DNAAF9: variants seen among roughly 807,000 people sequenced by gnomAD.
The protein encoded by DNAAF9 is shulin.
A neutral mutation model predicts 167.0 loss-of-function variants in DNAAF9; 90 were observed. The observed-to-expected ratio is 0.54, with a 90% CI of 0.45 to 0.64. DNAAF9 has a LOEUF of 0.64. Among genes scored for constraint, DNAAF9 ranks in the 30% least tolerant of loss-of-function variants. The pLI is 0.00. For missense variants in DNAAF9, 1,315 were observed against 1,442.2 expected, an observed-to-expected ratio of 0.91 and a Z score of 1.43; for synonymous variants, 491 against 508.8, an observed-to-expected ratio of 0.96 and a Z score of 0.47.
intron 12 of DNAAF9, 147 bp downstream of exon 12, chr20:3,330,499 C>T (rs1347940249): frequency 1.6e-6 from 1 of 609,400 alleles, no homozygotes; most frequent in African/African-American, 2.0e-5. Context: ...ACCTCAGCTT[C>T]CGAAAATGTT....
chr20:3,370,139 C>G (rs2083488714), intron 6 of DNAAF9, among the ~76,000 whole-genome samples: 1 of 152,176 alleles, frequency 6.6e-6, no homozygotes, highest in Non-Finnish European at 1.5e-5. Flanking sequence ...GGGTCTCCAT[C>G]CCCTTATATT....
At chr20:3,370,719 A>AT (rs1430465699) in intron 6 of DNAAF9, among the ~76,000 whole-genome samples, 4 of 151,938 alleles carry the variant, frequency 2.6e-5, no homozygotes, top group Non-Finnish European at 4.4e-5. Context: ...TGCCCGACTA[A>AT]TTTTTTTAAA....
chr20:3,349,911 C>A (rs2070281050), intron 7 of DNAAF9, among the ~76,000 whole-genome samples: 1 of 152,062 alleles, frequency 6.6e-6, no homozygotes, highest in African/African-American at 2.4e-5. Flanking sequence ...ATGTTAGTCG[C>A]CCAGTCTAGT....
At chr20:3,269,097 C>A (rs541721452) in intron 30 of DNAAF9, among the ~76,000 whole-genome samples, 1 of 151,100 alleles carries the variant, frequency 6.6e-6, no homozygotes, top group Non-Finnish European at 1.5e-5. Flanking sequence ...AATATAGAGG[C>A]GGGGTTCCAC....
intron 31 of DNAAF9, among the ~76,000 whole-genome samples, chr20:3,261,502 G>A (rs531271214): frequency 6.6e-6 from 1 of 151,242 alleles, no homozygotes; most frequent in African/African-American, 2.4e-5. Flanking sequence ...CGAGTAGCTG[G>A]GATTACAGGT....
At chr20:3,346,835 A>G (rs566526304) in intron 8 of DNAAF9, among the ~76,000 whole-genome samples, 1 of 152,288 alleles carries the variant, frequency 6.6e-6, no homozygotes, top group East Asian at 1.9e-4. Flanking sequence ...AAGAAGAAAA[A>G]AGAACTCCCC....
intron 14 of DNAAF9, 99 bp downstream of exon 14, chr20:3,324,793 T>A: frequency 1.4e-6 from 1 of 706,938 alleles, no homozygotes; most frequent in South Asian, 1.7e-5. Context: ...TACTGAAACA[T>A]TTCTCAAAGG....
At chr20:3,389,092 C>T (rs1461471026) in intron 1 of DNAAF9, among the ~76,000 whole-genome samples, 4 of 151,956 alleles carry the variant, frequency 2.6e-5, no homozygotes, top group Non-Finnish European at 4.4e-5. Context: ...CCACAGCTTC[C>T]CAAGTAGCTG....
At chr20:3,341,498 G>T (rs2070084803) in intron 9 of DNAAF9, among the ~76,000 whole-genome samples, 1 of 152,106 alleles carries the variant, frequency 6.6e-6, no homozygotes, top group African/African-American at 2.4e-5. Context: ...CCCTATGTCT[G>T]CTCCCCTTCC....
In DNAAF9 at chr20:3,352,130, CAGAATA is replaced by C. The variant is rs548618167; in HGVS notation, c.691-3513_691-3508del. Among the ~76,000 whole-genome samples, 56 of 152,266 alleles carry C rather than the reference CAGAATA, an allele frequency of 3.7e-4. 1 individual carries two copies. The South Asian group carries it at 0.012, about 32-fold the overall frequency. On this transcript the variant is annotated intron_variant, in intron 7 of 36. Transcript: ENST00000252032. Reference sequence around the variant, plus strand: ...AGTATTATTTGTTCATTACAGAAAACAGAATAAGAATCACTGTAAACACTTTGGGAA... The same window carrying C: ...AGTATTATTTGTTCATTACAGAAAACAGAATCACTGTAAACACTTTGGGAA...
At chr20:3,343,984 C>A in intron 8 of DNAAF9, among the ~76,000 whole-genome samples, 1 of 150,756 alleles carries the variant, frequency 6.6e-6, no homozygotes. Context: ...GAATAAGTGG[C>A]AAACAAAATA....
At chr20:3,354,943 C>A (rs112535499) in intron 7 of DNAAF9, among the ~76,000 whole-genome samples, 2 of 152,156 alleles carry the variant, frequency 1.3e-5, no homozygotes, top group African/African-American at 4.8e-5. Context: ...TGCATGATGT[C>A]GCTGCTGTTC....
chr20:3,376,123 C>T (rs1003652047), intron 4 of DNAAF9, 55 bp downstream of exon 4: 7 of 1,519,228 alleles, frequency 4.6e-6, no homozygotes, highest in Non-Finnish European at 6.3e-6. Context: ...CAACACTTTC[C>T]TTAAAGAGTA....
chr20:3,348,672 AT>A, intron 7 of DNAAF9, 49 bp from the exon 8 acceptor site: 1 of 1,137,856 alleles, frequency 8.8e-7, no homozygotes, highest in Non-Finnish European at 1.3e-6. Context: ...TAAAGGAGGT[AT>A]TTTAGAAAAC....
At position 3,371,040 on chromosome 20, in the gene DNAAF9, A is replaced by T. The variant is rs147706449; in HGVS notation, c.612+3008T>A. ...ATTTCCATTCTCTATTCTCCACTTC[A>T]TCATCTTCCTTCCCATTGCTTTAAT... is the stretch of plus-strand genomic sequence containing the variant. On this transcript the variant is annotated intron_variant, in intron 6 of 36. Transcript: ENST00000252032. Among the ~76,000 whole-genome samples the T allele has an allele frequency of 2.5e-3, 378 of 152,006 alleles. 1 individual carries two copies. The highest frequency in any genetic ancestry group is 8.3e-3 in the African/African-American group (344 of 41,458).
chr20:3,283,969 A>C (rs1461088886), intron 27 of DNAAF9, among the ~76,000 whole-genome samples: 1 of 152,038 alleles, frequency 6.6e-6, no homozygotes, highest in Non-Finnish European at 1.5e-5. Flanking sequence ...AGAGTAAAAA[A>C]CAGGCCCCTG....
chr20:3,377,311 G>A (rs996422716), intron 3 of DNAAF9, among the ~76,000 whole-genome samples: 22 of 152,192 alleles, frequency 1.4e-4, no homozygotes, highest in African/African-American at 5.1e-4. Flanking sequence ...AGATTTCTCT[G>A]ACAAGAGACA....
chr20:3,290,606 A>G (rs2068933765), intron 25 of DNAAF9, among the ~76,000 whole-genome samples: 2 of 152,180 alleles, frequency 1.3e-5, no homozygotes, highest in African/African-American at 2.4e-5. Flanking sequence ...CAGGGATATT[A>G]TGACTTTTTT....
At chr20:3,394,074 C>A (rs111987244) in intron 1 of DNAAF9, among the ~76,000 whole-genome samples, 6,572 of 152,130 alleles carry the variant, frequency 0.043, 205 homozygotes, top group African/African-American at 0.089. Context: ...GCAGTGGCTC[C>A]CGCCTGTAAA....
Sources: gnomAD v4.1 joint callset for allele counts (sites outside exome capture counted in the v4.1 genomes callset) on GRCh38, gnomAD v4.1.1 for gene constraint, MANE v1.5 for transcripts, NCBI Gene and HGNC (gene_info 2026-07-23, HGNC 2026-07-21) for gene names.